DST: variants seen among roughly 807,000 people sequenced by gnomAD.
The protein encoded by DST is bullous pemphigoid antigen.
DST carries 253 observed loss-of-function variants against 875.2 expected under a neutral mutation model. That is an observed-to-expected ratio of 0.29 (90% CI 0.26 to 0.32). The LOEUF (loss-of-function observed/expected upper bound fraction) is 0.32, where lower values mean the gene tolerates loss of function less well. DST is among the 10% of genes least tolerant of loss of function. The pLI is 1.00. For synonymous variants in DST, 3,124 were observed against 3,197.1 expected (o/e 0.98, Z 0.77); for missense variants, 8,287 against 9,111.6 (o/e 0.91, Z 3.68).
rs190803185 is a variant in DST at position 56,611,613 on chromosome 6, G to A, written c.5059-17C>T. ...ACTGGAAATCTGTAAGGTAAAGAAGGCACATTCAAACTCTTCCTCCAAAAG... is the reference window on the plus strand; with the variant it reads ...ACTGGAAATCTGTAAGGTAAAGAAGACACATTCAAACTCTTCCTCCAAAAG... On this transcript the variant is annotated splice_polypyrimidine_tract_variant and intron_variant, in intron 37 of 103. Transcript: ENST00000680361. The A allele has an allele frequency of 1.3e-6, 2 of 1,547,898 alleles. No individual in the cohort carries two copies. The highest frequency in any genetic ancestry group is 2.3e-5 in the South Asian group (2 of 87,834).
chr6:56,813,774 T>C (rs1033790315), intron 4 of DST, among the ~76,000 whole-genome samples: 1 of 152,216 alleles, frequency 6.6e-6, no homozygotes, highest in African/African-American at 2.4e-5. Flanking sequence ...TGCTCCTTAA[T>C]ATTTTGCTAT....
chr6:56,810,215 T>A (rs2099758238), intron 4 of DST, among the ~76,000 whole-genome samples: 1 of 152,102 alleles, frequency 6.6e-6, no homozygotes, highest in African/African-American at 2.4e-5. Context: ...AAGGCTGAGA[T>A]GAAAAGATCG....
chr6:56,500,970 T>C, intron 80 of DST, 110 bp downstream of exon 80: 1 of 1,019,556 alleles, frequency 9.8e-7, no homozygotes, highest in Non-Finnish European at 1.4e-6. Flanking sequence ...TATGAACTTG[T>C]GTCAAAATCA....
chr6:56,771,047 G>C (rs1427147419), intron 4 of DST, among the ~76,000 whole-genome samples: 2 of 151,030 alleles, frequency 1.3e-5, no homozygotes, highest in East Asian at 3.9e-4. Flanking sequence ...AATTATCAAG[G>C]AGTAAGGTAG....
intron 4 of DST, among the ~76,000 whole-genome samples, chr6:56,738,152 A>T (rs2099532883): frequency 6.6e-6 from 1 of 152,164 alleles, no homozygotes; most frequent in Non-Finnish European, 1.5e-5. Flanking sequence ...GTCAGGGAGA[A>T]AAAAAAGGTA....
chr6:56,932,978 T>C (rs887785979), intron 2 of DST, among the ~76,000 whole-genome samples: 3 of 151,746 alleles, frequency 2.0e-5, no homozygotes, highest in Admixed American at 2.0e-4. Flanking sequence ...TGTTTGGTTC[T>C]CTATAGAAAG....
At chr6:56,734,978 A>G (rs911505405) in intron 5 of DST, 1 of 356,922 alleles carries the variant, frequency 2.8e-6, no homozygotes, top group Non-Finnish European at 5.0e-6. Context: ...ATAGATTCCA[A>G]TAGTAACAGG....
intron 4 of DST, among the ~76,000 whole-genome samples, chr6:56,807,264 G>T (rs2099754171): frequency 1.3e-5 from 2 of 152,140 alleles, no homozygotes; most frequent in Non-Finnish European, 2.9e-5. Flanking sequence ...GGGCTCAAGC[G>T]ATCCACCCAC....
intron 4 of DST, among the ~76,000 whole-genome samples, chr6:56,800,823 A>T (rs2099745767): frequency 6.6e-6 from 1 of 152,128 alleles, no homozygotes; most frequent in Non-Finnish European, 1.5e-5. Context: ...GTTCGAGACC[A>T]GCCTGGGCAA....
intron 36 of DST, chr6:56,616,914 A>T (rs1296293316): frequency 1.2e-6 from 2 of 1,609,688 alleles, no homozygotes; most frequent in Admixed American, 3.4e-5. Context: ...GTCTGACCTG[A>T]AATGGGATCA....
At chr6:56,475,995 C>T (rs577006204) in intron 92 of DST, among the ~76,000 whole-genome samples, 154 bp downstream of exon 92, 1 of 152,152 alleles carries the variant, frequency 6.6e-6, no homozygotes, top group Non-Finnish European at 1.5e-5. Flanking sequence ...GGTTTTAGGG[C>T]AGTTGCAGAG....
rs566661236 is a variant in DST, at chr6:56,892,797, A to G, written c.417+7624T>C. Among the ~76,000 whole-genome samples, 5 of 152,320 alleles carry G rather than the reference A, an allele frequency of 3.3e-5. No homozygotes were observed. In the East Asian group the frequency reaches 7.7e-4, roughly 24 times the overall value. On this transcript the variant is annotated intron_variant, in intron 3 of 103. Coordinates refer to ENST00000680361, the MANE Select transcript of DST (RefSeq NM_001374736.1). ...TTCATATATCATTCACTCAGTCAAT[A>G]GTATTCACTCAGATGCCAAATGCCA...
chr6:56,483,101 T>A (rs933652695), intron 88 of DST, among the ~76,000 whole-genome samples: 1 of 152,216 alleles, frequency 6.6e-6, no homozygotes, highest in Non-Finnish European at 1.5e-5. Context: ...TCCTGTCACA[T>A]TCTCATGAGA....
chr6:56,897,265 A>G (rs1305031764), intron 3 of DST, among the ~76,000 whole-genome samples: 1 of 145,940 alleles, frequency 6.9e-6, no homozygotes, highest in Non-Finnish European at 1.5e-5. Context: ...TTCTCAGAGA[A>G]TTGAAATATC....
At chr6:56,713,542 G>A (rs2099385113) in intron 5 of DST, among the ~76,000 whole-genome samples, 1 of 152,194 alleles carries the variant, frequency 6.6e-6, no homozygotes, top group Admixed American at 6.5e-5. Flanking sequence ...GAGTCAGGCT[G>A]CAGACTCGAG....
chr6:56,754,682 C>A (rs1254261923), intron 4 of DST, among the ~76,000 whole-genome samples: 1 of 151,946 alleles, frequency 6.6e-6, no homozygotes, highest in Non-Finnish European at 1.5e-5. Flanking sequence ...TCAAACAAAT[C>A]AACTCTTAAA....
chr6:56,492,546 G>A (rs962342275), intron 84 of DST, 113 bp from the exon 85 acceptor site: 6 of 1,119,548 alleles, frequency 5.4e-6, no homozygotes, highest in African/African-American at 4.7e-5. Context: ...GAAAGCTTTC[G>A]AAATACCAAA....
In DST at chr6:56,642,065, T is replaced by C. The variant is rs2098911498; in HGVS notation, c.1909A>G (p.Asn637Asp). The part of the protein sequence containing the change: ...KRLESGVQFQ[N>D]EAEIAGYILE... ...ATATACCCAGCAATTTCTGCTTCAT[T>C]CTGAAACTGCACTCCTGATTCTAAT... Residue 637 changes from asparagine to aspartate, a missense_variant, in exon 17 of 104, where the codon AAT (asparagine) becomes GAT (aspartate). Asn to Asp is a conservative substitution (Grantham distance 23). Around this residue, in one of 10 missense-constraint regions of DST, gnomAD observed 1,160 missense variants for 1,424.3 expected, o/e 0.81. Transcript: ENST00000680361. 6.2e-7 allele frequency: 1 copy of C among 1,612,744 alleles called. No homozygotes were observed.
At chr6:56,642,993 C>A (rs1346704465) in intron 15 of DST, 3 of 1,283,416 alleles carry the variant, frequency 2.3e-6, no homozygotes, top group Non-Finnish European at 3.1e-6. Flanking sequence ...TAGCCTAAAG[C>A]CATTCGTTTG....
Sources: gnomAD v4.1 joint callset for allele counts (sites outside exome capture counted in the v4.1 genomes callset) on GRCh38, gnomAD v4.1.1 for gene constraint, gnomAD v4.1.1 regional missense constraint, MANE v1.5 for transcripts, NCBI Gene and HGNC (gene_info 2026-07-23, HGNC 2026-07-21) for gene names.